The following CPNE4 variants were observed in gnomAD, a reference collection of about 807,000 sequenced individuals.
The protein encoded by CPNE4 is copine 4.
A neutral mutation model predicts 67.9 loss-of-function variants in CPNE4; 25 were observed. The ratio of observed to expected loss-of-function variants is 0.37; its 90% confidence interval spans 0.27 to 0.51. The LOEUF is 0.51. Among genes scored for constraint, CPNE4 ranks in the 20% least tolerant of loss-of-function variants. The probability of loss-of-function intolerance (pLI) is 0.93; values close to 1 mark genes in which losing one functional copy is unlikely to be tolerated. For missense variants in CPNE4, 464 were observed against 690.8 expected, an observed-to-expected ratio of 0.67 and a Z score of 3.68; for synonymous variants, 242 against 244.9, an observed-to-expected ratio of 0.99 and a Z score of 0.11.
chr3:131,562,016 A>T (rs975527841), intron 11 of CPNE4, among the ~76,000 whole-genome samples: 1 of 152,070 alleles, frequency 6.6e-6, no homozygotes, highest in African/African-American at 2.4e-5. Context: ...GAATTGCTCC[A>T]CTGAGCTGTA....
At chr3:131,562,348 C>G (rs545819932) in intron 11 of CPNE4, among the ~76,000 whole-genome samples, 1 of 152,012 alleles carries the variant, frequency 6.6e-6, no homozygotes, top group Admixed American at 6.6e-5. Context: ...AATGAGGGCT[C>G]TGAGGCTTAC....
At chr3:131,607,060 T>C (rs1476539901) in intron 7 of CPNE4, among the ~76,000 whole-genome samples, 6 of 148,250 alleles carry the variant, frequency 4.0e-5, no homozygotes, top group Admixed American at 1.3e-4. Context: ...TAGCCTAACA[T>C]TGCTACCACT....
intron 11 of CPNE4, among the ~76,000 whole-genome samples, chr3:131,558,820 A>G (rs1452499947): frequency 6.6e-6 from 1 of 151,898 alleles, no homozygotes; most frequent in Admixed American, 6.6e-5. Context: ...GGGTACCTGG[A>G]AATGCAAAGC....
At chr3:131,697,798 T>C (rs2081189445) in intron 4 of CPNE4, among the ~76,000 whole-genome samples, 1 of 152,218 alleles carries the variant, frequency 6.6e-6, no homozygotes, top group South Asian at 2.1e-4. Context: ...ACAGACACCT[T>C]TGGAAAACTG....
intron 14 of CPNE4, among the ~76,000 whole-genome samples, chr3:131,546,090 AAC>A (rs991992890): frequency 2.2e-4 from 33 of 152,188 alleles, no homozygotes; most frequent in African/African-American, 7.9e-4. Flanking sequence ...CACACAAAAA[AAC>A]ACAAAAAACC....
intron 10 of CPNE4, among the ~76,000 whole-genome samples, chr3:131,573,543 T>C (rs909979727): frequency 6.6e-6 from 1 of 152,114 alleles, no homozygotes; most frequent in East Asian, 1.9e-4. Context: ...GAAGGTTGAA[T>C]ACAGAGTTGT....
chr3:131,908,979 T>G (rs905246159), intron 1 of CPNE4, among the ~76,000 whole-genome samples: 19 of 152,178 alleles, frequency 1.2e-4, no homozygotes, highest in African/African-American at 4.1e-4. Context: ...GTGCTCTGAC[T>G]TATCTCCAGA....
intron 1 of CPNE4, among the ~76,000 whole-genome samples, chr3:131,966,923 A>G (rs558026756): frequency 7.2e-5 from 11 of 152,278 alleles, no homozygotes; most frequent in Admixed American, 6.5e-4. Context: ...AGACACAACA[A>G]AGAAAATTTC....
chr3:131,824,252 G>C (rs1364531579), intron 2 of CPNE4, among the ~76,000 whole-genome samples: 1 of 151,744 alleles, frequency 6.6e-6, no homozygotes, highest in Non-Finnish European at 1.5e-5. Context: ...CAGTTATCCA[G>C]ATGAAACTTG....
intron 7 of CPNE4, among the ~76,000 whole-genome samples, chr3:131,590,230 C>A (rs991912207): frequency 1.3e-5 from 2 of 152,106 alleles, no homozygotes; most frequent in African/African-American, 4.8e-5. Context: ...GTTGTGGGGA[C>A]AAAGCAGACC....
rs973859720 is a variant in CPNE4 at position 131,636,004 on chromosome 3, C to G, written c.681+33671G>C. Among the ~76,000 whole-genome samples the G allele has an allele frequency of 3.2e-5, 3 of 92,560 alleles. 1 individual carries two copies. The highest frequency in any genetic ancestry group is 5.6e-5 in the Non-Finnish European group (3 of 53,516). The allele number at this position is 92,560 out of a possible 152,430, so 60.7% of individuals were successfully genotyped here. On this transcript the variant is annotated intron_variant, in intron 7 of 15. Transcript: ENST00000429747. ...GCTGAGGCAGGAGAATGGCGTGAAC[C>G]CGGGAGGCGGAGCTTGCAGTGAGCC...
intron 2 of CPNE4, among the ~76,000 whole-genome samples, chr3:131,823,732 G>A (rs1025066593): frequency 2.0e-5 from 3 of 152,136 alleles, no homozygotes; most frequent in Admixed American, 6.5e-5. Context: ...AATATTTAAA[G>A]ATAAGCATAC....
intron 1 of CPNE4, among the ~76,000 whole-genome samples, chr3:131,953,159 A>C (rs867591891): frequency 6.7e-6 from 1 of 149,668 alleles, no homozygotes; most frequent in East Asian, 2.0e-4. Context: ...CTCACTTGTT[A>C]ATCTGCTGAC....
At chr3:131,766,724 C>T (rs1008624283) in intron 2 of CPNE4, among the ~76,000 whole-genome samples, 2 of 152,008 alleles carry the variant, frequency 1.3e-5, no homozygotes, top group Non-Finnish European at 2.9e-5. Flanking sequence ...ACAAAATGCT[C>T]GTTATATTAG....
intron 2 of CPNE4, among the ~76,000 whole-genome samples, chr3:131,727,510 A>T (rs182505373): frequency 7.4e-4 from 112 of 152,298 alleles, no homozygotes; most frequent in African/African-American, 2.6e-3. Context: ...TCTAATAATA[A>T]AGTCAATAAC....
intron 2 of CPNE4, among the ~76,000 whole-genome samples, chr3:131,863,719 A>C (rs952814118): frequency 2.0e-5 from 3 of 152,020 alleles, no homozygotes; most frequent in African/African-American, 4.8e-5. Context: ...ATTAGATCCC[A>C]TTTGTCAATT....
At chr3:131,750,122 C>T (rs970955605) in intron 2 of CPNE4, among the ~76,000 whole-genome samples, 9 of 152,162 alleles carry the variant, frequency 5.9e-5, no homozygotes, top group African/African-American at 1.4e-4. Flanking sequence ...CCAAAAGTCC[C>T]ATCTTCAATT....
chr3:131,774,234 A>T (rs766952196), intron 2 of CPNE4, among the ~76,000 whole-genome samples: 23 of 152,042 alleles, frequency 1.5e-4, no homozygotes, highest in Non-Finnish European at 2.9e-4. Flanking sequence ...TTTGTCAGTG[A>T]CTGATTTAGA....
intron 2 of CPNE4, among the ~76,000 whole-genome samples, chr3:131,900,592 T>C (rs1204319149): frequency 6.6e-6 from 1 of 152,090 alleles, no homozygotes; most frequent in Non-Finnish European, 1.5e-5. Flanking sequence ...GTCTCTAAGA[T>C]AGGGTGAGAT....
Sources: allele counts gnomAD v4.1 joint callset (sites outside exome capture counted in the v4.1 genomes callset), GRCh38; gene constraint gnomAD v4.1.1; transcripts MANE v1.5; gene names NCBI Gene and HGNC (gene_info 2026-07-23, HGNC 2026-07-21).